Variants in LLGL2 observed in about 807,000 individuals in gnomAD.
The protein encoded by LLGL2 is LLGL scribble cell polarity complex component 2, also known as LLGL2, scribble cell polarity complex component.
Under a neutral mutation model 123.2 loss-of-function variants are expected in LLGL2, and 81 were observed. The ratio of observed to expected loss-of-function variants is 0.66; its 90% CI spans 0.55 to 0.79. LLGL2 has a LOEUF of 0.79. Ranked by LOEUF, LLGL2 falls within the 30% of genes least tolerant of loss-of-function variation. The probability of loss-of-function intolerance (pLI) is 0.00; values close to 1 mark genes in which losing one functional copy is unlikely to be tolerated. For synonymous variants in LLGL2, 577 were observed against 594.1 expected (o/e 0.97, Z 0.42); for missense variants, 1,273 against 1,414.6 (o/e 0.90, Z 1.61).
chr17:75,568,744 C>T, intron 11 of LLGL2, 28 bp from the exon 12 acceptor site: 3 of 1,611,902 alleles, frequency 1.9e-6, no homozygotes, highest in Non-Finnish European at 2.5e-6. Flanking sequence ...CCAAACTCTC[C>T]CATGGACTTC....
At chr17:75,574,771 C>T in intron 25 of LLGL2, 100 bp from the exon 26 acceptor site, 2 of 1,591,594 alleles carry the variant, frequency 1.3e-6, no homozygotes, top group Admixed American at 1.7e-5. Flanking sequence ...TGACACGTGC[C>T]CTGATGACCA....
chr17:75,568,335 T>A, intron 10 of LLGL2, 141 bp from the exon 11 acceptor site: 1 of 1,444,286 alleles, frequency 6.9e-7, no homozygotes, highest in Admixed American at 2.7e-5. Context: ...CTCCTGGAGA[T>A]GGAAAGGCTT....
rs1164300614 is a variant in LLGL2 at position 75,558,611 on chromosome 17, C to T, written c.355C>T (p.Leu119=). 1.9e-6 allele frequency: 3 copies of T among 1,605,806 alleles called. No homozygotes were observed. The highest frequency in any genetic ancestry group is 1.1e-5 in the South Asian group (1 of 89,442). ...SELQEDESFT[L]RGPPGAAPSA... ...GCTGCAGGAGGATGAGAGCTTCACA[C>T]TGCGTGGACCCCCAGGGTAAGGGCT... The change falls in exon 5 of 26, where the codon CTG becomes TTG. Residue 119 remains leucine (L), a synonymous_variant. Transcript: ENST00000392550. This position sits in a 1 kb window ranked among gnomAD's most constrained non-coding sequence, Gnocchi z 4.0.
At chr17:75,574,834 C>T (rs75909267) in intron 25 of LLGL2, 37 bp from the exon 26 acceptor site, 123,512 of 1,612,544 alleles carry the variant, frequency 0.077, 5,202 homozygotes, top group Middle Eastern at 0.16. Context: ...CCCGTCCTGC[C>T]CAGGGTGATC....
At chr17:75,556,238 G>A in intron 3 of LLGL2, 95 bp downstream of exon 3, 1 of 959,498 alleles carries the variant, frequency 1.0e-6, no homozygotes, top group South Asian at 1.5e-5. Context: ...GTGGGCTGTT[G>A]GGATAAAATG....
Position 75,571,742 on chromosome 17 carries a change from C to T in LLGL2, c.2252C>T (p.Pro751Leu), listed in dbSNP as rs141515395. The T allele has an allele frequency of 8.7e-6, 14 of 1,608,942 alleles. No homozygotes were observed. The African/African-American group carries it at 1.2e-4, about 14-fold the overall frequency. ...TIYAFSLRVP[P>L]AERRMDEPVR... Reference sequence around the variant, plus strand: ...TATGCCTTCTCCCTGCGTGTGCCTCCCGCCGAGCGGAGAATGGATGAGCCT... The same window carrying T: ...TATGCCTTCTCCCTGCGTGTGCCTCTCGCCGAGCGGAGAATGGATGAGCCT... Residue 751 changes from proline to leucine, a missense_variant, in exon 18 of 26, where the codon CCC becomes CTC. Transcript: ENST00000392550.
intron 2 of LLGL2, among the ~76,000 whole-genome samples, chr17:75,550,232 T>C (rs2054605724): frequency 1.3e-5 from 2 of 152,234 alleles, no homozygotes; most frequent in Non-Finnish European, 2.9e-5. Flanking sequence ...CAGCCGCGAT[T>C]CAGGGTTGCT....
intron 2 of LLGL2, among the ~76,000 whole-genome samples, chr17:75,554,101 A>G (rs2054795792): frequency 6.6e-6 from 1 of 152,112 alleles, no homozygotes; most frequent in South Asian, 2.1e-4. Context: ...CAAGAGTTCA[A>G]GACCAGCCTG....
At chr17:75,542,405 G>T (rs2054249786) in intron 1 of LLGL2, among the ~76,000 whole-genome samples, 1 of 152,020 alleles carries the variant, frequency 6.6e-6, no homozygotes, top group African/African-American at 2.4e-5. Context: ...CATCCTGCTG[G>T]GAGTGGACGG....
At chr17:75,570,588 G>C in intron 16 of LLGL2, 90 bp downstream of exon 16, 1 of 1,426,024 alleles carries the variant, frequency 7.0e-7, no homozygotes, top group South Asian at 1.3e-5. Flanking sequence ...CTGCTCCCCA[G>C]GCTTGCTAGG....
Position 75,571,071 on chromosome 17 carries a change from T to C in LLGL2, c.2147T>C (p.Leu716Pro), listed in dbSNP as rs947133802. The change falls in exon 17 of 26, where the codon CTG (leucine) becomes CCG (proline). Residue 716 changes from leucine (L) to proline (P), a missense_variant. Physicochemically the swap from Leu to Pro is moderately conservative, Grantham distance 98 (BLOSUM62 -3). Coordinates refer to ENST00000392550, the MANE Select transcript of LLGL2 (RefSeq NM_001031803.2). ...TCCTTCACAGGCTTCGTCCGGACCC[T>C]GTACTTTGCTGACACCTACCTGAAG... The part of the protein sequence containing the change: ...EDSFTGFVRT[L>P]YFADTYLKDS... 2.5e-6 allele frequency: 4 copies of C among 1,612,212 alleles called. No homozygotes were observed. The highest frequency in any genetic ancestry group is 3.3e-5 in the Admixed American group (2 of 59,942).
chr17:75,539,796 C>T (rs968116506), intron 1 of LLGL2, among the ~76,000 whole-genome samples: 27 of 151,328 alleles, frequency 1.8e-4, no homozygotes, highest in Admixed American at 1.4e-3. Context: ...TTAGTAGAGA[C>T]GGGGTTTCAC....
At chr17:75,566,415 T>C (rs546218262) in intron 10 of LLGL2, among the ~76,000 whole-genome samples, 58 of 152,278 alleles carry the variant, frequency 3.8e-4, no homozygotes, top group African/African-American at 1.3e-3. Flanking sequence ...GTGCAGGCCA[T>C]GGGACTGGCA....
At chr17:75,555,753 G>C (rs1426985261) in intron 2 of LLGL2, among the ~76,000 whole-genome samples, 1 of 152,222 alleles carries the variant, frequency 6.6e-6, no homozygotes, top group African/African-American at 2.4e-5. Context: ...GTCACCCAGG[G>C]TGCACGTGGT....
chr17:75,534,867 T>C (rs1480842489), intron 1 of LLGL2, among the ~76,000 whole-genome samples: 1 of 152,248 alleles, frequency 6.6e-6, no homozygotes, highest in African/African-American at 2.4e-5. Flanking sequence ...ATAAGGTGAA[T>C]GTAAAGTGCT....
At position 75,558,690 on chromosome 17, in the gene LLGL2, G is replaced by A. The variant is rs1661042656; in HGVS notation, c.371+63G>A. 2.3e-6 allele frequency: 3 copies of A among 1,324,234 alleles called. No individual in the cohort carries two copies. Among genetic ancestry groups the A allele is most frequent in the African/African-American group, 1.5e-5 (1 of 68,794 alleles). The allele number at this position is 1,324,234 out of a possible 1,614,324, so 82.0% of individuals were successfully genotyped here. A position where few individuals can be genotyped will look rare whatever the true frequency, so the allele number is the denominator to read the frequency against. ...CAGCCTGACCCTTGCCCTTAGCTCT[G>A]GAGTGGACTCACCCTTTGTGAGGCC... On this transcript the variant is annotated intron_variant, in intron 5 of 25. Coordinates refer to ENST00000392550, the MANE Select transcript of LLGL2 (RefSeq NM_001031803.2). This position sits in a 1 kb window ranked among gnomAD's most constrained non-coding sequence, Gnocchi z 4.0.
intron 1 of LLGL2, among the ~76,000 whole-genome samples, chr17:75,534,709 A>G (rs1378903515): frequency 2.6e-5 from 4 of 152,096 alleles, no homozygotes; most frequent in African/African-American, 9.7e-5. Flanking sequence ...TCGAACTCCT[A>G]GGTTCAGTGG....
Position 75,569,974 on chromosome 17 carries a change from G to A in LLGL2, c.1593G>A (p.Leu531=). ...GCCACCCTGCGCAGGTGCTGGTACT[G>A]GAACTGAATGACGAGGCAGCGGAGC... ...VAGTAGQVLV[L]ELNDEAAEQA... The change falls in exon 15 of 26, where the codon CTG becomes CTA. Residue 531 remains leucine (L), a synonymous_variant. Transcript: ENST00000392550. 6.3e-7 allele frequency: 1 copy of A among 1,599,398 alleles called. No homozygotes were observed. The highest frequency in any genetic ancestry group is 8.5e-7 in the Non-Finnish European group (1 of 1,171,244).
At chr17:75,566,186 C>T (rs1032868144) in intron 10 of LLGL2, among the ~76,000 whole-genome samples, 1 of 152,194 alleles carries the variant, frequency 6.6e-6, no homozygotes, top group African/African-American at 2.4e-5. Flanking sequence ...AGAATGGCCC[C>T]CGTGCTGGTC....
Sources: allele counts gnomAD v4.1 joint callset (sites outside exome capture counted in the v4.1 genomes callset), GRCh38; gene constraint gnomAD v4.1.1; non-coding constraint Gnocchi (gnomAD v3.1); transcripts MANE v1.5; gene names NCBI Gene and HGNC (gene_info 2026-07-23, HGNC 2026-07-21).